Variants in RFX3 observed in about 807,000 individuals in gnomAD.
RFX3 encodes regulatory factor X3.
A neutral mutation model predicts 98.6 loss-of-function variants in RFX3; 14 were observed. The ratio of observed to expected loss-of-function variants is 0.14; its 90% confidence interval spans 0.09 to 0.22. The LOEUF (loss-of-function observed/expected upper bound fraction) is 0.22, where lower values mean the gene tolerates loss of function less well. Ranked by LOEUF, RFX3 falls within the 10% of genes least tolerant of loss-of-function variation. RFX3 has a pLI of 1.00. For synonymous variants in RFX3, 383 were observed against 328.4 expected, an observed-to-expected ratio of 1.17 and a Z score of -1.80; for missense variants, 639 against 926.9, an observed-to-expected ratio of 0.69 and a Z score of 4.03.
chr9:3,517,254 G>T (rs1818272622), intron 1 of RFX3, among the ~76,000 whole-genome samples: 1 of 151,948 alleles, frequency 6.6e-6, no homozygotes, highest in South Asian at 2.1e-4. Context: ...AGACCTATAG[G>T]GTATAAGTGA....
At chr9:3,417,223 A>T (rs2132286576) in intron 1 of RFX3, among the ~76,000 whole-genome samples, 1 of 152,126 alleles carries the variant, frequency 6.6e-6, no homozygotes, top group South Asian at 2.1e-4. Context: ...GTTGATCTGA[A>T]AAAGAAATAA....
rs1384089308 is a variant in RFX3 at position 3,475,163 on chromosome 9, A to T, written c.-9+50584T>A. On this transcript the variant is annotated intron_variant, in intron 1 of 16. Coordinates refer to ENST00000617270, the MANE Select transcript of RFX3 (RefSeq NM_001282116.2). ...GGAAGGAAGGTAGGTTGCCAACTAT[A>T]AACAGTTATAAATGGATGCTTATAA... Among the ~76,000 whole-genome samples, 11 of 152,066 alleles carry T rather than the reference A, an allele frequency of 7.2e-5. No individual in the cohort carries two copies. In the East Asian group the frequency reaches 1.9e-3, roughly 27 times the overall value.
intron 1 of RFX3, among the ~76,000 whole-genome samples, chr9:3,467,064 A>ATG (rs1848307635): frequency 1.4e-5 from 2 of 144,790 alleles, no homozygotes; most frequent in African/African-American, 5.0e-5. Context: ...ACATACATAT[A>ATG]TATAAGTATA....
At chr9:3,234,249 G>T (rs745453020) in intron 15 of RFX3, among the ~76,000 whole-genome samples, 2 of 152,188 alleles carry the variant, frequency 1.3e-5, no homozygotes, top group Non-Finnish European at 2.9e-5. Context: ...TAGTCCATTA[G>T]GACTCTGTCA....
rs186921530 is a variant in RFX3 at position 3,358,205 on chromosome 9, G to C, written c.118-11441C>G. Among the ~76,000 whole-genome samples the C allele has an allele frequency of 1.4e-3, 212 of 152,174 alleles. 1 individual carries two copies. The highest frequency in any genetic ancestry group is 4.9e-3 in the African/African-American group (202 of 41,536). Reference sequence around the variant, plus strand: ...TACTGTGAGGATCCAAAGCAATTAAGTTTAGATACAAATCATGGTTTAGGT... The same window carrying C: ...TACTGTGAGGATCCAAAGCAATTAACTTTAGATACAAATCATGGTTTAGGT... On this transcript the variant is annotated intron_variant, in intron 2 of 16. Coordinates refer to ENST00000617270, the MANE Select transcript of RFX3 (RefSeq NM_001282116.2).
chr9:3,446,612 AC>A (rs1458712852), intron 1 of RFX3, among the ~76,000 whole-genome samples: 2 of 152,012 alleles, frequency 1.3e-5, no homozygotes, highest in African/African-American at 4.8e-5. Context: ...AAAAAAAAAA[AC>A]ATACATACAA....
At chr9:3,510,341 A>G (rs552553913) in intron 1 of RFX3, among the ~76,000 whole-genome samples, 1 of 150,896 alleles carries the variant, frequency 6.6e-6, no homozygotes, top group African/African-American at 2.5e-5. Flanking sequence ...AAAAAAAGCA[A>G]CAAACAAACA....
intron 1 of RFX3, among the ~76,000 whole-genome samples, chr9:3,452,818 T>C (rs925544864): frequency 1.3e-5 from 2 of 152,230 alleles, no homozygotes; most frequent in Non-Finnish European, 2.9e-5. Flanking sequence ...AGGTTTCTGA[T>C]TTCAACCTTT....
At chr9:3,339,641 TAGAC>T (rs746880264) in intron 3 of RFX3, among the ~76,000 whole-genome samples, 1 of 152,190 alleles carries the variant, frequency 6.6e-6, no homozygotes, top group Non-Finnish European at 1.5e-5. Context: ...TTCCAGGTAT[TAGAC>T]AGAGAACAGG....
chr9:3,338,301 A>G (rs1351404007), intron 3 of RFX3, among the ~76,000 whole-genome samples: 1 of 152,262 alleles, frequency 6.6e-6, no homozygotes, highest in African/African-American at 2.4e-5. Context: ...TAAAAAACAA[A>G]AAGCATTTAT....
intron 5 of RFX3, among the ~76,000 whole-genome samples, chr9:3,300,967 T>C (rs1468451437): frequency 6.6e-6 from 1 of 151,888 alleles, no homozygotes; most frequent in African/African-American, 2.4e-5. Context: ...TTATTAGCAA[T>C]TTATGGCTTG....
intron 10 of RFX3, 199 bp from the exon 11 acceptor site, chr9:3,270,724 C>T (rs1372030197): frequency 1.5e-6 from 1 of 669,826 alleles, no homozygotes; most frequent in Non-Finnish European, 2.5e-6. Flanking sequence ...TGTCTATGCA[C>T]ATTTGTATTT....
chr9:3,355,416 T>C (rs1835631668), intron 2 of RFX3, among the ~76,000 whole-genome samples: 1 of 151,888 alleles, frequency 6.6e-6, no homozygotes, highest in Non-Finnish European at 1.5e-5. Flanking sequence ...GCTATATTAA[T>C]ATCAGTCAAA....
intron 1 of RFX3, among the ~76,000 whole-genome samples, chr9:3,525,536 G>C (rs1204026751): frequency 6.6e-6 from 1 of 151,742 alleles, no homozygotes; most frequent in Non-Finnish European, 1.5e-5. Flanking sequence ...CCACACCCCC[G>C]ACCCAGCCGC....
intron 1 of RFX3, among the ~76,000 whole-genome samples, chr9:3,521,811 A>G (rs1818738026): frequency 6.6e-6 from 1 of 152,154 alleles, no homozygotes; most frequent in African/African-American, 2.4e-5. Flanking sequence ...ACAAAAGTTA[A>G]CTTGTCATGT....
chr9:3,363,171 G>C (rs1296589456), intron 2 of RFX3, among the ~76,000 whole-genome samples: 2 of 152,204 alleles, frequency 1.3e-5, no homozygotes, highest in African/African-American at 2.4e-5. Flanking sequence ...TGACCAGAAA[G>C]AGCAAATGAG....
chr9:3,498,665 A>G (rs895166913), intron 1 of RFX3, among the ~76,000 whole-genome samples: 1 of 152,096 alleles, frequency 6.6e-6, no homozygotes, highest in African/African-American at 2.4e-5. Flanking sequence ...CTATTTTAAT[A>G]CCACAAGTCC....
chr9:3,404,688 T>C (rs1470905258), intron 1 of RFX3, among the ~76,000 whole-genome samples: 1 of 152,190 alleles, frequency 6.6e-6, no homozygotes, highest in African/African-American at 2.4e-5. Flanking sequence ...CTTACAAAAA[T>C]ATAGTTGTCA....
In RFX3 at chr9:3,427,287, T is replaced by A. The variant is rs140388724; in HGVS notation, c.-8-31691A>T. On this transcript the variant is annotated intron_variant, in intron 1 of 16. Transcript: ENST00000617270. ...ATATATATATTTTATTATATAATAC[T>A]ATATATAAATATATATTGTATTACA... is the stretch of plus-strand genomic sequence containing the variant. 5.0e-3 allele frequency among the ~76,000 whole-genome samples: 717 copies of A among 143,054 alleles called. 6 individuals carry two copies. Among genetic ancestry groups the A allele is most frequent in the African/African-American group, 0.017 (669 of 39,214 alleles). The allele number at this position is 143,054 out of a possible 152,430, so 93.8% of individuals were successfully genotyped here. A position where few individuals can be genotyped will look rare whatever the true frequency, so the allele number is the denominator to read the frequency against.
Sources: allele counts gnomAD v4.1 joint callset (sites outside exome capture counted in the v4.1 genomes callset), GRCh38; gene constraint gnomAD v4.1.1; transcripts MANE v1.5; gene names NCBI Gene and HGNC (gene_info 2026-07-23, HGNC 2026-07-21).